The following CTNNA3 variants were observed in gnomAD, a reference collection of about 807,000 sequenced individuals.
CTNNA3 encodes catenin alpha 3, also known as catenin alpha-3.
In CTNNA3, 76 loss-of-function variants were observed where a neutral mutation model predicts 95.7. The ratio of observed to expected loss-of-function variants is 0.79; its 90% CI spans 0.66 to 0.96. The LOEUF (loss-of-function observed/expected upper bound fraction) is 0.96. Ranked by LOEUF, CTNNA3 falls within the 40% of genes least tolerant of loss-of-function variation. The pLI, the probability that CTNNA3 is intolerant of heterozygous loss-of-function variation, is 0.00. For synonymous variants in CTNNA3, 431 were observed against 374.4 expected (o/e 1.15, Z -1.74); for missense variants, 1,191 against 1,089.8 (o/e 1.09, Z -1.31).
At chr10:66,381,346 C>A (rs2092836918) in intron 11 of CTNNA3, among the ~76,000 whole-genome samples, 1 of 152,142 alleles carries the variant, frequency 6.6e-6, no homozygotes, top group Admixed American at 6.5e-5. Flanking sequence ...ACAAAACCAA[C>A]TTTGTTCCAT....
chr10:66,348,123 A>G (rs1330008363), intron 12 of CTNNA3, among the ~76,000 whole-genome samples: 1 of 152,128 alleles, frequency 6.6e-6, no homozygotes, highest in Non-Finnish European at 1.5e-5. Flanking sequence ...TCAGATTCAG[A>G]AAGGAATCCT....
chr10:67,722,463 A>G (rs1363275197), intron 1 of CTNNA3, among the ~76,000 whole-genome samples: 3 of 152,222 alleles, frequency 2.0e-5, no homozygotes, highest in Non-Finnish European at 4.4e-5. Context: ...AAATATACAA[A>G]CAATTCACAG....
intron 7 of CTNNA3, among the ~76,000 whole-genome samples, chr10:66,832,579 A>C (rs905443085): frequency 3.6e-4 from 54 of 151,958 alleles, no homozygotes; most frequent in Non-Finnish European, 1.5e-4. Flanking sequence ...GTTCTCAATT[A>C]TTCTCCTGTA....
intron 9 of CTNNA3, among the ~76,000 whole-genome samples, chr10:66,653,038 T>C (rs1845963042): frequency 6.6e-6 from 1 of 152,104 alleles, no homozygotes; most frequent in Non-Finnish European, 1.5e-5. Context: ...TCATACTGGA[T>C]GCCTCTAAGA....
Position 65,915,249 on chromosome 10 carries a change from A to G in CTNNA3, c.*5081T>C, listed in dbSNP as rs546630148. On this transcript the variant is annotated 3_prime_UTR_variant, in exon 18 of 18. Transcript: ENST00000433211. ...ATTTCTGTTTCTCAACTTGCAAACA[A>G]TATTACTAAATCATGCTCAAAATAT... 2 of 152,122 alleles carry G rather than the reference A, an allele frequency of 1.3e-5. No individual in the cohort carries two copies. The highest frequency in any genetic ancestry group is 2.9e-5 in the Non-Finnish European group (2 of 68,000). The allele number at this position is 152,122 out of a possible 1,614,324, so 9.4% of individuals were successfully genotyped here.
At chr10:66,436,501 CTTTTTTTTTTTTTT>C (rs34165061) in intron 11 of CTNNA3, among the ~76,000 whole-genome samples, 1 of 60,370 alleles carries the variant, frequency 1.7e-5, no homozygotes, top group Non-Finnish European at 3.2e-5. Context: ...ACAATCCCTG[CTTTTTTTTTTTTTT>C]TTTTTTTTTT....
chr10:66,653,368 C>T (rs1247649447), intron 9 of CTNNA3, among the ~76,000 whole-genome samples: 1 of 146,332 alleles, frequency 6.8e-6, no homozygotes, highest in African/African-American at 2.6e-5. Flanking sequence ...ATAATAGCTA[C>T]AAAAGCAATA....
chr10:65,956,238 C>A (rs1023485352), intron 17 of CTNNA3, among the ~76,000 whole-genome samples: 1 of 152,036 alleles, frequency 6.6e-6, no homozygotes, highest in African/African-American at 2.4e-5. Context: ...GGTGAGATCC[C>A]CTTTATCATT....
rs533666406 is a variant in CTNNA3, at chr10:66,328,373, AT to A, written c.1733-47753del. Among the ~76,000 whole-genome samples, 5 of 152,210 alleles carry A rather than the reference AT, an allele frequency of 3.3e-5. No homozygotes were observed. The South Asian group carries it at 8.3e-4, about 25-fold the overall frequency. ...ATATTTAAATGTTAGATTAAGTAGT[AT>A]CAAGTGGCAGCTAAGACAAGACACC... On this transcript the variant is annotated intron_variant, in intron 12 of 17. Transcript: ENST00000433211.
rs551163438 is a variant in CTNNA3 at position 66,637,867 on chromosome 10, T to C, written c.1282-16083A>G. The stretch of plus-strand genomic sequence containing the variant: ...ACTATGGATCCCTCCTGCCCCTGGC[T>C]GCCAGTCTTTGGAAAGCACACCCAC... On this transcript the variant is annotated intron_variant, in intron 9 of 17. Transcript: ENST00000433211. Among the ~76,000 whole-genome samples, 3 of 152,310 alleles carry C rather than the reference T, an allele frequency of 2.0e-5. No homozygotes were observed. The East Asian group carries it at 5.8e-4, about 29-fold the overall frequency.
At position 66,907,024 on chromosome 10, in the gene CTNNA3, CA is replaced by C. The variant is rs981698586; in HGVS notation, c.1048-131501del. Among the ~76,000 whole-genome samples the C allele has an allele frequency of 4.7e-4, 72 of 152,050 alleles. 1 individual carries two copies. Among genetic ancestry groups the C allele is most frequent in the African/African-American group, 1.6e-3 (65 of 41,496 alleles). The stretch of plus-strand genomic sequence containing the variant: ...AAACATTAAAATATAGAATTAGATA[CA>C]AAAAAATCCTACTGAGGTTTTGATC... On this transcript the variant is annotated intron_variant, in intron 7 of 17. Coordinates refer to ENST00000433211, the MANE Select transcript of CTNNA3 (RefSeq NM_013266.4).
At chr10:67,558,234 T>C (rs1841329591) in intron 3 of CTNNA3, among the ~76,000 whole-genome samples, 1 of 152,218 alleles carries the variant, frequency 6.6e-6, no homozygotes, top group Non-Finnish European at 1.5e-5. Flanking sequence ...CTCTGTAGTA[T>C]GGTCCCTCCC....
At chr10:66,346,236 TATATATATATAGAGAG>T (rs1467375304) in intron 12 of CTNNA3, among the ~76,000 whole-genome samples, 874 of 24,676 alleles carry the variant, frequency 0.035, 1 homozygote, top group East Asian at 0.056. Flanking sequence ...TATATATATA[TATATATATATAGAGAG>T]AGAGAGAGAG....
intron 5 of CTNNA3, among the ~76,000 whole-genome samples, chr10:67,259,581 GATA>G (rs1171209724): frequency 2.6e-5 from 4 of 152,172 alleles, no homozygotes; most frequent in African/African-American, 9.7e-5. Context: ...ATGATAATAA[GATA>G]ATATGCATGT....
intron 13 of CTNNA3, among the ~76,000 whole-genome samples, chr10:66,130,714 G>C (rs1000459483): frequency 1.3e-5 from 2 of 151,830 alleles, no homozygotes; most frequent in Non-Finnish European, 2.9e-5. Context: ...AAATGAGCCT[G>C]GCATGGTGGC....
At chr10:66,218,997 T>C (rs1329174471) in intron 13 of CTNNA3, among the ~76,000 whole-genome samples, 1 of 152,202 alleles carries the variant, frequency 6.6e-6, no homozygotes, top group Non-Finnish European at 1.5e-5. Flanking sequence ...TTATTAGAAA[T>C]ACCTATAGTG....
intron 12 of CTNNA3, among the ~76,000 whole-genome samples, chr10:66,329,171 GA>G (rs2132312033): frequency 6.6e-6 from 1 of 151,340 alleles, no homozygotes; most frequent in South Asian, 2.1e-4. Flanking sequence ...GGCTGGTATC[GA>G]ACCCCTGACC....
In CTNNA3 at chr10:66,300,935, G is replaced by A. The variant is rs569115631; in HGVS notation, c.1733-20314C>T. On this transcript the variant is annotated intron_variant, in intron 12 of 17. Transcript: ENST00000433211. ...ATAAAATTTACAAGCCCGTAGCCAG[G>A]TTAACTAAAAAAAAAGAGAGAAGAT... Among the ~76,000 whole-genome samples, 302 of 151,584 alleles carry A rather than the reference G, an allele frequency of 2.0e-3. 2 individuals are homozygous for A. The highest frequency in any genetic ancestry group is 7.0e-3 in the African/African-American group (290 of 41,402).
chr10:67,709,481 T>C (rs1841095189), intron 1 of CTNNA3, among the ~76,000 whole-genome samples: 1 of 152,124 alleles, frequency 6.6e-6, no homozygotes, highest in Non-Finnish European at 1.5e-5. Flanking sequence ...CTGACAAAGA[T>C]TCCTTGCTTG....
Sources: allele counts gnomAD v4.1 joint callset (sites outside exome capture counted in the v4.1 genomes callset), GRCh38; gene constraint gnomAD v4.1.1; transcripts MANE v1.5; gene names NCBI Gene and HGNC (gene_info 2026-07-23, HGNC 2026-07-21).